SHTN1: variants seen among roughly 807,000 people sequenced by gnomAD.
SHTN1 encodes shootin-1.
In SHTN1, 42 loss-of-function variants were observed where a neutral mutation model predicts 83.1. That is an observed-to-expected ratio of 0.51 (90% CI 0.39 to 0.65). SHTN1 has a LOEUF of 0.65. Ranked by LOEUF, SHTN1 falls within the 30% of genes least tolerant of loss-of-function variation. SHTN1 has a pLI of 0.00. For synonymous variants in SHTN1, 224 were observed against 247.7 expected (o/e 0.90, Z 0.90); for missense variants, 622 against 737.8 (o/e 0.84, Z 1.82).
rs181312002 is a variant in SHTN1 at position 117,004,248 on chromosome 10, G to A, written c.58+774C>T. Among the ~76,000 whole-genome samples, 65 of 152,254 alleles carry A rather than the reference G, an allele frequency of 4.3e-4. 1 individual carries two copies. Among genetic ancestry groups the A allele is most frequent in the South Asian group, 2.5e-3 (12 of 4,826 alleles). On this transcript the variant is annotated intron_variant, in intron 1 of 16. Coordinates refer to ENST00000355371, the MANE Select transcript of SHTN1 (RefSeq NM_001127211.3). ...CCTTTGGTCAGGGTAATAATGATAAGTGTTTAAATGTGATAGGTTAGCATT... is the reference window on the plus strand; with the variant it reads ...CCTTTGGTCAGGGTAATAATGATAAATGTTTAAATGTGATAGGTTAGCATT...
intron 7 of SHTN1, among the ~76,000 whole-genome samples, chr10:116,947,379 C>T (rs763926520): frequency 1.3e-5 from 2 of 152,180 alleles, no homozygotes; most frequent in Non-Finnish European, 2.9e-5. Flanking sequence ...TCACACACTG[C>T]TCCACCAGGG....
intron 1 of SHTN1, among the ~76,000 whole-genome samples, chr10:117,003,090 A>T (rs1216951905): frequency 6.6e-6 from 1 of 152,120 alleles, no homozygotes; most frequent in Non-Finnish European, 1.5e-5. Context: ...ACAAGAAATG[A>T]AAGGGAAAAT....
At chr10:116,938,383 CCTTT>C (rs1275301464) in intron 9 of SHTN1, among the ~76,000 whole-genome samples, 2 of 152,118 alleles carry the variant, frequency 1.3e-5, no homozygotes, top group South Asian at 2.1e-4. Context: ...TTGATGTATT[CCTTT>C]CTGTTTGTTA....
At chr10:117,016,563 C>T (rs569716527) in intron 2 of SHTN1, among the ~76,000 whole-genome samples, 4 of 152,260 alleles carry the variant, frequency 2.6e-5, no homozygotes, top group Admixed American at 6.5e-5. Context: ...TGTGCCACCA[C>T]GCCCGGCTAC....
At chr10:116,887,533 T>C (rs979223801) in intron 16 of SHTN1, among the ~76,000 whole-genome samples, 2 of 152,158 alleles carry the variant, frequency 1.3e-5, no homozygotes, top group Non-Finnish European at 2.9e-5. Flanking sequence ...CAGGTGCCAG[T>C]GAGCTGCCAG....
intron 1 of SHTN1, among the ~76,000 whole-genome samples, chr10:116,988,138 G>C (rs972597245): frequency 1.3e-5 from 2 of 152,060 alleles, no homozygotes; most frequent in African/African-American, 4.8e-5. Context: ...ATCAATTCTG[G>C]CTCAACAATT....
intron 1 of SHTN1, among the ~76,000 whole-genome samples, chr10:117,098,723 A>C (rs1853542998): frequency 6.6e-6 from 1 of 152,114 alleles, no homozygotes; most frequent in Admixed American, 6.5e-5. Flanking sequence ...ATAGAAGAAA[A>C]AGAATGCAGG....
upstream of SHTN1, among the ~76,000 whole-genome samples, chr10:117,010,311 TAGA>T (rs1252894313): frequency 2.0e-5 from 3 of 151,908 alleles, no homozygotes; most frequent in Non-Finnish European, 2.9e-5. Flanking sequence ...TTAAATAACC[TAGA>T]AGAAATGGAC....
At chr10:116,994,045 A>G (rs1851540843) in intron 1 of SHTN1, among the ~76,000 whole-genome samples, 1 of 152,130 alleles carries the variant, frequency 6.6e-6, no homozygotes, top group South Asian at 2.1e-4. Flanking sequence ...GTATTAGTCT[A>G]TGGAATGCTG....
intron 1 of SHTN1, among the ~76,000 whole-genome samples, chr10:117,065,582 G>A (rs1262373761): frequency 6.6e-6 from 1 of 151,020 alleles, no homozygotes; most frequent in Non-Finnish European, 1.5e-5. Context: ...GCCGGGCATG[G>A]TGGCAGCTGC....
At chr10:116,961,979 A>C (rs777368463) in intron 3 of SHTN1, among the ~76,000 whole-genome samples, 12 of 151,770 alleles carry the variant, frequency 7.9e-5, no homozygotes, top group Non-Finnish European at 1.3e-4. Flanking sequence ...TTATAACACA[A>C]TGGTCATGTT....
In SHTN1 at chr10:116,882,483, T is replaced by C. The variant is rs79437189; in HGVS notation, c.*3861A>G. On this transcript the variant is annotated 3_prime_UTR_variant, in exon 17 of 17. Transcript: ENST00000355371. ...CAGTGTTGGGATTATAGCAGAGGAG[T>C]AGCAGAAATAAATATATTCAGACAC... The C allele has an allele frequency of 6.6e-3, 992 of 150,492 alleles. 14 individuals are homozygous for C. Among genetic ancestry groups the C allele is most frequent in the African/African-American group, 0.023 (958 of 40,882 alleles). 9.3% of individuals were successfully genotyped at this position (150,492 alleles called of 1,614,324 possible).
intron 2 of SHTN1, among the ~76,000 whole-genome samples, chr10:117,027,631 T>C (rs1852350564): frequency 6.6e-6 from 1 of 152,118 alleles, no homozygotes; most frequent in Admixed American, 6.6e-5. Context: ...CCCAAGTAGC[T>C]GGGACTACAG....
chr10:117,088,903 A>G (rs1353592966), intron 1 of SHTN1, among the ~76,000 whole-genome samples: 3 of 152,262 alleles, frequency 2.0e-5, no homozygotes, highest in Non-Finnish European at 4.4e-5. Flanking sequence ...TCAGTGAAGC[A>G]TACAAAAGTA....
rs1464246152 is a variant in SHTN1 at position 116,986,608 on chromosome 10, G to T, written c.59-7300C>A. ...TAGAAAAGTAGCCACTGTTGACAGA[G>T]TGCAGTGGCTCAACCTGTAATCTAG... On this transcript the variant is annotated intron_variant, in intron 1 of 16. Coordinates refer to ENST00000355371, the MANE Select transcript of SHTN1 (RefSeq NM_001127211.3). Among the ~76,000 whole-genome samples, 7 of 152,024 alleles carry T rather than the reference G, an allele frequency of 4.6e-5. No homozygotes were observed. In the East Asian group the frequency reaches 1.4e-3, roughly 29 times the overall value.
chr10:117,074,891 G>T (rs951424094), intron 1 of SHTN1, among the ~76,000 whole-genome samples: 14 of 152,102 alleles, frequency 9.2e-5, no homozygotes, highest in Admixed American at 4.6e-4. Flanking sequence ...CCTGGTCAAA[G>T]CTAAGGCTCT....
chr10:117,041,348 A>G (rs765170757), intron 2 of SHTN1, among the ~76,000 whole-genome samples: 1 of 152,202 alleles, frequency 6.6e-6, no homozygotes, highest in Non-Finnish European at 1.5e-5. Flanking sequence ...CCTCGAATTT[A>G]GTAGCTACCT....
intron 3 of SHTN1, among the ~76,000 whole-genome samples, chr10:116,963,233 G>C (rs1410246052): frequency 6.7e-6 from 1 of 149,928 alleles, no homozygotes. Context: ...CATCACGCCC[G>C]GCTAATTTTT....
chr10:116,907,438 G>A (rs1312352525), intron 14 of SHTN1, among the ~76,000 whole-genome samples: 1 of 152,180 alleles, frequency 6.6e-6, no homozygotes, highest in Non-Finnish European at 1.5e-5. Flanking sequence ...AACAAGAGAT[G>A]CTATAAATCT....
Sources: gnomAD v4.1 joint callset for allele counts (sites outside exome capture counted in the v4.1 genomes callset) on GRCh38, gnomAD v4.1.1 for gene constraint, MANE v1.5 for transcripts, NCBI Gene and HGNC (gene_info 2026-07-23, HGNC 2026-07-21) for gene names.